GRIN2B: variants seen among roughly 807,000 people sequenced by gnomAD.
GRIN2B encodes glutamate ionotropic receptor NMDA type subunit 2B, also known as glutamate receptor ionotropic, NMDA 2B.
Under a neutral mutation model 114.5 loss-of-function variants are expected in GRIN2B, and 5 were observed. The observed-to-expected ratio is 0.04, with a 90% CI of 0.02 to 0.09. The LOEUF (loss-of-function observed/expected upper bound fraction) is 0.09. Among genes scored for constraint, GRIN2B ranks in the 10% least tolerant of loss-of-function variants. The pLI, the probability that GRIN2B is intolerant of heterozygous loss-of-function variation, is 1.00. For missense variants in GRIN2B, 1,108 were observed against 1,943.5 expected (o/e 0.57, Z 8.08); for synonymous variants, 787 against 745.1 (o/e 1.06, Z -0.92).
chr12:13,653,741 C>T (rs575676847), intron 5 of GRIN2B, among the ~76,000 whole-genome samples: 5 of 152,160 alleles, frequency 3.3e-5, no homozygotes, highest in East Asian at 3.9e-4. Context: ...ACTCAGTAGG[C>T]GACTTTCATT....
intron 4 of GRIN2B, among the ~76,000 whole-genome samples, chr12:13,702,328 G>C (rs1011934452): frequency 6.6e-6 from 1 of 152,166 alleles, no homozygotes; most frequent in South Asian, 2.1e-4. Context: ...ATAACTTTAT[G>C]TGCTACCTAG....
chr12:13,833,145 A>G (rs1159305819), intron 3 of GRIN2B, among the ~76,000 whole-genome samples: 1 of 152,204 alleles, frequency 6.6e-6, no homozygotes, highest in Non-Finnish European at 1.5e-5. Context: ...ATGATATGGT[A>G]TTAAAAATTA....
intron 2 of GRIN2B, among the ~76,000 whole-genome samples, chr12:13,957,375 G>C (rs1389453637): frequency 6.6e-6 from 1 of 152,136 alleles, no homozygotes; most frequent in Non-Finnish European, 1.5e-5. Flanking sequence ...CAGAGAGAGA[G>C]AGGACTGCAA....
At chr12:13,676,510 GA>G (rs1283561454) in intron 4 of GRIN2B, among the ~76,000 whole-genome samples, 1 of 152,072 alleles carries the variant, frequency 6.6e-6, no homozygotes, top group African/African-American at 2.4e-5. Flanking sequence ...GCTTAAAGGG[GA>G]TAACTTAGGT....
chr12:13,834,192 G>A (rs574758679), intron 3 of GRIN2B, among the ~76,000 whole-genome samples: 37 of 117,326 alleles, frequency 3.2e-4, no homozygotes, highest in African/African-American at 9.0e-4. Flanking sequence ...CACCACGCCT[G>A]GCTAATTTTT....
intron 2 of GRIN2B, among the ~76,000 whole-genome samples, chr12:13,897,985 T>TATG (rs1866380004): frequency 7.3e-6 from 1 of 137,764 alleles, no homozygotes; most frequent in Non-Finnish European, 1.5e-5. Flanking sequence ...AAACTTAAAG[T>TATG]ATAATAATAA....
Position 13,606,277 on chromosome 12 carries a change from G to A in GRIN2B, c.2010+2326C>T, listed in dbSNP as rs112667954. ...GATGTCTGGAAAAGTTGAAGTTTGG[G>A]CATATGGTGACATCCTCAGGCTGCT... On this transcript the variant is annotated intron_variant, in intron 10 of 13. Transcript: ENST00000609686. Among the ~76,000 whole-genome samples, 746 of 152,276 alleles carry A rather than the reference G, an allele frequency of 4.9e-3. 8 individuals are homozygous for A. Among genetic ancestry groups the A allele is most frequent in the African/African-American group, 0.017 (691 of 41,550 alleles).
chr12:13,777,733 G>A (rs1864030184), intron 3 of GRIN2B, among the ~76,000 whole-genome samples: 1 of 152,134 alleles, frequency 6.6e-6, no homozygotes, highest in South Asian at 2.1e-4. Flanking sequence ...CTGATATTCA[G>A]AATAGATGCA....
intron 3 of GRIN2B, among the ~76,000 whole-genome samples, chr12:13,862,873 A>G (rs1183359708): frequency 6.6e-6 from 1 of 152,104 alleles, no homozygotes; most frequent in East Asian, 1.9e-4. Flanking sequence ...GCCACCACCC[A>G]TTCAGCATCG....
chr12:13,613,831 A>G (rs911279103), intron 8 of GRIN2B, among the ~76,000 whole-genome samples: 2 of 152,050 alleles, frequency 1.3e-5, no homozygotes, highest in Admixed American at 6.6e-5. Flanking sequence ...CCCTATAACT[A>G]ACTGCTCCTC....
At chr12:13,802,931 C>A (rs1375640431) in intron 3 of GRIN2B, among the ~76,000 whole-genome samples, 1 of 151,992 alleles carries the variant, frequency 6.6e-6, no homozygotes, top group Non-Finnish European at 1.5e-5. Flanking sequence ...TGTGCAGGGT[C>A]CACTTACACA....
intron 5 of GRIN2B, among the ~76,000 whole-genome samples, chr12:13,622,695 G>A (rs1949529963): frequency 6.6e-6 from 1 of 152,106 alleles, no homozygotes; most frequent in Admixed American, 6.5e-5. Flanking sequence ...CCTTCTTGCT[G>A]CATCATCCCA....
chr12:13,628,026 C>T (rs1001294883), intron 5 of GRIN2B, among the ~76,000 whole-genome samples: 2 of 152,212 alleles, frequency 1.3e-5, no homozygotes, highest in Admixed American at 6.5e-5. Flanking sequence ...GGCAGTCTGA[C>T]ACCAAAGGCT....
rs5796568 is a variant in GRIN2B at position 13,932,952 on chromosome 12, CGTGTGTGTGT to C, written c.-19+46966_-19+46975del. On this transcript the variant is annotated intron_variant, in intron 2 of 13. Coordinates refer to ENST00000609686, the MANE Select transcript of GRIN2B (RefSeq NM_000834.5). ...TTGTTTGCACTGAAAAGGGCTTTGT[CGTGTGTGTGT>C]GTGTGTGTGTGTGTGTGTGTGTGTG... Among the ~76,000 whole-genome samples the C allele has an allele frequency of 3.5e-3, 517 of 148,800 alleles. 1 individual carries two copies. The highest frequency in any genetic ancestry group is 5.6e-3 in the Non-Finnish European group (380 of 67,336).
Position 13,722,263 on chromosome 12 carries a change from G to C in GRIN2B, c.1010+31054C>G, listed in dbSNP as rs1023431438. On this transcript the variant is annotated intron_variant, in intron 4 of 13. Transcript: ENST00000609686. ...AGACGTGTGGTCAAGGATTTCAGGG[G>C]TTTTTTAATATATAGAATGTACTAG... 2.6e-5 allele frequency among the ~76,000 whole-genome samples: 4 copies of C among 152,188 alleles called. No homozygotes were observed. The South Asian group carries it at 8.3e-4, about 32-fold the overall frequency.
At chr12:13,859,879 T>C (rs1865725979) in intron 3 of GRIN2B, among the ~76,000 whole-genome samples, 3 of 152,342 alleles carry the variant, frequency 2.0e-5, no homozygotes, top group South Asian at 4.1e-4. Flanking sequence ...CCTACCTCTA[T>C]GTCTTAATAC....
At chr12:13,949,713 G>T (rs893647007) in intron 2 of GRIN2B, among the ~76,000 whole-genome samples, 3 of 152,084 alleles carry the variant, frequency 2.0e-5, no homozygotes, top group Non-Finnish European at 2.9e-5. Flanking sequence ...CACAAACCAC[G>T]ATGCCAAGAA....
chr12:13,695,795 A>G (rs2216131), intron 4 of GRIN2B, among the ~76,000 whole-genome samples: 1 of 152,148 alleles, frequency 6.6e-6, no homozygotes. Flanking sequence ...AGTGGTTGGC[A>G]TAAAGACAAG....
intron 10 of GRIN2B, among the ~76,000 whole-genome samples, chr12:13,574,202 C>T (rs1049046262): frequency 1.3e-5 from 2 of 152,200 alleles, no homozygotes; most frequent in Non-Finnish European, 2.9e-5. Context: ...AGTCACTCCT[C>T]ACTGTCTCCA....
Sources: gnomAD v4.1 joint callset for allele counts (sites outside exome capture counted in the v4.1 genomes callset) on GRCh38, gnomAD v4.1.1 for gene constraint, MANE v1.5 for transcripts, NCBI Gene and HGNC (gene_info 2026-07-23, HGNC 2026-07-21) for gene names.